ZNF131: variants seen among roughly 807,000 people sequenced by gnomAD.
ZNF131 encodes zinc finger and BTB domain containing 35.
A neutral mutation model predicts 60.0 loss-of-function variants in ZNF131; 7 were observed. That is an observed-to-expected ratio of 0.12 (90% confidence interval 0.07 to 0.22). The LOEUF (loss-of-function observed/expected upper bound fraction) is 0.22, where lower values mean the gene tolerates loss of function less well. ZNF131 is among the 10% of genes least tolerant of loss of function. ZNF131 has a pLI of 1.00. For synonymous variants in ZNF131, 257 were observed against 253.2 expected, an observed-to-expected ratio of 1.01 and a Z score of -0.14; for missense variants, 493 against 740.9, an observed-to-expected ratio of 0.67 and a Z score of 3.88.
intron 3 of ZNF131, among the ~76,000 whole-genome samples, chr5:43,133,887 G>T (rs542871209): frequency 2.3e-4 from 35 of 152,282 alleles, no homozygotes; most frequent in Admixed American, 4.6e-4. Flanking sequence ...TGTATCAGTT[G>T]TCAGAAACCT....
rs1254069229 is a variant in ZNF131, at chr5:43,143,462, T to C, written c.371+4153T>C. On this transcript the variant is annotated intron_variant, in intron 4 of 6. Coordinates refer to ENST00000682664, the MANE Select transcript of ZNF131 (RefSeq NM_001330707.2). ...AAGTTTATCATCTTCAACTACACGC[T>C]GTATTTGAAGTTTCTTAATTTCCTA... 8.1e-6 allele frequency: 11 copies of C among 1,355,304 alleles called. No individual in the cohort carries two copies. In the African/African-American group the frequency reaches 1.6e-4, roughly 20 times the overall value. The allele number at this position is 1,355,304 out of a possible 1,614,324, so 84.0% of individuals were successfully genotyped here. A position where few individuals can be genotyped will look rare whatever the true frequency, so the allele number is the denominator to read the frequency against.
chr5:43,139,649 A>C (rs1746553917), intron 4 of ZNF131, among the ~76,000 whole-genome samples: 1 of 152,246 alleles, frequency 6.6e-6, no homozygotes, highest in Non-Finnish European at 1.5e-5. Context: ...GGTTTGGCTT[A>C]CAAAGATTAA....
At chr5:43,124,600 C>G (rs767457767) in intron 3 of ZNF131, 3 of 152,082 alleles carry the variant, frequency 2.0e-5, no homozygotes, top group Admixed American at 1.3e-4. Context: ...AAGTGAGAAT[C>G]TAACTGCCCA....
chr5:43,159,824 A>G (rs954838238), intron 4 of ZNF131, among the ~76,000 whole-genome samples: 1 of 151,590 alleles, frequency 6.6e-6, no homozygotes, highest in Admixed American at 6.6e-5. Context: ...GATGAAATCT[A>G]TTTTATCAAT....
chr5:43,139,350 G>A, intron 4 of ZNF131, 41 bp downstream of exon 4: 1 of 1,514,084 alleles, frequency 6.6e-7, no homozygotes. Context: ...GTCATATTCA[G>A]TCATGTTCAT....
At chr5:43,145,381 A>G (rs1747453605) in intron 4 of ZNF131, among the ~76,000 whole-genome samples, 2 of 152,040 alleles carry the variant, frequency 1.3e-5, no homozygotes, top group South Asian at 4.1e-4. Context: ...GCCTGGGTGC[A>G]GTGGCTTATG....
At chr5:43,174,387 T>A in intron 6 of ZNF131, 60 bp from the exon 7 acceptor site, 1 of 1,393,708 alleles carries the variant, frequency 7.2e-7, no homozygotes, top group Non-Finnish European at 9.6e-7. Context: ...AATAAATGCA[T>A]TCATATTTCC....
At chr5:43,169,302 AAT>A (rs1750701889) in intron 5 of ZNF131, among the ~76,000 whole-genome samples, 1 of 152,196 alleles carries the variant, frequency 6.6e-6, no homozygotes, top group African/African-American at 2.4e-5. Flanking sequence ...TAAAATAATT[AAT>A]ATGTTTCTAT....
At chr5:43,123,160 G>A (rs778863076) in intron 2 of ZNF131, 49 bp from the exon 3 acceptor site, 3 of 1,462,444 alleles carry the variant, frequency 2.1e-6, no homozygotes, top group Admixed American at 2.1e-5. Context: ...TTATACATTT[G>A]ATTTTCGTGC....
At chr5:43,171,443 A>T (rs1453103355) in intron 5 of ZNF131, among the ~76,000 whole-genome samples, 1 of 152,042 alleles carries the variant, frequency 6.6e-6, no homozygotes, top group Non-Finnish European at 1.5e-5. Flanking sequence ...TTGGCTGGGC[A>T]CGGTGGATCA....
rs1166099179 is a variant in ZNF131, at chr5:43,165,238, A to T, written c.1054+3307A>T. On this transcript the variant is annotated intron_variant, in intron 5 of 6. Transcript: ENST00000682664. ...TTTTTTTTTAGCTTTAACAACAGGA[A>T]TTCATTTTCTCGCAGTTCTAGAGGT... Among the ~76,000 whole-genome samples the T allele has an allele frequency of 2.6e-5, 4 of 150,996 alleles. No homozygotes were observed. The East Asian group carries it at 7.8e-4, about 29-fold the overall frequency.
chr5:43,136,644 C>CTT (rs1746147571), intron 3 of ZNF131, among the ~76,000 whole-genome samples: 1 of 126,342 alleles, frequency 7.9e-6, no homozygotes, highest in Non-Finnish European at 1.7e-5. Flanking sequence ...TTTCTTTTTT[C>CTT]TTTTTCTTTT....
At chr5:43,145,948 G>A (rs555901735) in intron 4 of ZNF131, among the ~76,000 whole-genome samples, 1 of 152,110 alleles carries the variant, frequency 6.6e-6, no homozygotes, top group Non-Finnish European at 1.5e-5. Flanking sequence ...GAAAGTTATG[G>A]TAGAATTGGT....
intron 4 of ZNF131, among the ~76,000 whole-genome samples, chr5:43,147,900 A>G (rs1275924656): frequency 1.3e-5 from 2 of 151,648 alleles, no homozygotes; most frequent in East Asian, 3.9e-4. Flanking sequence ...TAAAAATACA[A>G]AAAAATATCT....
rs976279203 is a variant in ZNF131 at position 43,161,683 on chromosome 5, C to T, written c.806C>T (p.Ser269Leu). ...TTCCATTGTGAGAAATGTAACCGTT[C>T]ATTTAAATTGTTTTACCATTTTAAG... Reference protein sequence around the residue: ...DLFHCEKCNRSFKLFYHFKEH... With the variant: ...DLFHCEKCNRLFKLFYHFKEH... Residue 269 changes from serine (S) to leucine (L), a missense_variant, in exon 5 of 7, where the codon TCA (serine) becomes TTA (leucine). Physicochemically the swap from Ser to Leu is moderately radical, Grantham distance 145. This residue lies in a region of ZNF131 where 26 missense variants were observed against 63.3 expected (regional missense o/e 0.41). Transcript: ENST00000682664. 4 of 1,614,100 alleles carry T rather than the reference C, an allele frequency of 2.5e-6. No individual in the cohort carries two copies. Among genetic ancestry groups the T allele is most frequent in the Non-Finnish European group, 3.4e-6 (4 of 1,180,034 alleles).
At chr5:43,158,239 A>AT (rs1749199856) in intron 4 of ZNF131, among the ~76,000 whole-genome samples, 1 of 151,820 alleles carries the variant, frequency 6.6e-6, no homozygotes, top group Non-Finnish European at 1.5e-5. Flanking sequence ...GAGTGCTGGG[A>AT]TTACAGGCGT....
chr5:43,137,008 C>T (rs1359882615), intron 3 of ZNF131, among the ~76,000 whole-genome samples: 4 of 151,998 alleles, frequency 2.6e-5, no homozygotes, highest in African/African-American at 9.6e-5. Flanking sequence ...TAGGTATTCA[C>T]ATGAAAAAAG....
chr5:43,156,830 A>C (rs1295721520), intron 4 of ZNF131, among the ~76,000 whole-genome samples: 3 of 151,990 alleles, frequency 2.0e-5, no homozygotes, highest in Non-Finnish European at 2.9e-5. Flanking sequence ...TGAGCTCAGG[A>C]GTTTGAGACC....
rs1022752644 is a variant in ZNF131, at chr5:43,125,637, G to A, written c.226+2327G>A. 2.6e-5 allele frequency among the ~76,000 whole-genome samples: 4 copies of A among 151,720 alleles called. No individual in the cohort carries two copies. In the East Asian group the frequency reaches 5.9e-4, roughly 22 times the overall value. ...CTCTACTAAAAATATAAAATTAGCCGGGCGTGGTGGTGGGCACCTGTAATC... is the reference window on the plus strand; with the variant it reads ...CTCTACTAAAAATATAAAATTAGCCAGGCGTGGTGGTGGGCACCTGTAATC... On this transcript the variant is annotated intron_variant, in intron 3 of 6. Coordinates refer to ENST00000682664, the MANE Select transcript of ZNF131 (RefSeq NM_001330707.2).
Sources: gnomAD v4.1 joint callset for allele counts (sites outside exome capture counted in the v4.1 genomes callset) on GRCh38, gnomAD v4.1.1 for gene constraint, gnomAD v4.1.1 regional missense constraint, MANE v1.5 for transcripts, NCBI Gene and HGNC (gene_info 2026-07-23, HGNC 2026-07-21) for gene names.